The following INPP5D variants were observed in gnomAD, a reference collection of about 807,000 sequenced individuals.
The protein encoded by INPP5D is inositol polyphosphate-5-phosphatase D.
Under a neutral mutation model 122.9 loss-of-function variants are expected in INPP5D, and 33 were observed. The ratio of observed to expected loss-of-function variants is 0.27; its 90% confidence interval spans 0.20 to 0.36. The LOEUF (loss-of-function observed/expected upper bound fraction) is 0.36. Ranked by LOEUF, INPP5D falls within the 10% of genes least tolerant of loss-of-function variation. INPP5D has a pLI of 1.00. For synonymous variants in INPP5D, 584 were observed against 576.2 expected, an observed-to-expected ratio of 1.01 and a Z score of -0.19; for missense variants, 1,053 against 1,412.7, an observed-to-expected ratio of 0.75 and a Z score of 4.08.
chr2:233,143,501 C>T (rs1041723060), intron 6 of INPP5D, among the ~76,000 whole-genome samples: 1 of 152,198 alleles, frequency 6.6e-6, no homozygotes, highest in African/African-American at 2.4e-5. Context: ...CAAGGGAATC[C>T]TGAACTATCC....
chr2:233,165,344 ATG>A (rs925912644), intron 13 of INPP5D, among the ~76,000 whole-genome samples: 1 of 149,340 alleles, frequency 6.7e-6, no homozygotes, highest in Non-Finnish European at 1.5e-5. Context: ...ACCCATATCT[ATG>A]TGTGTGAGTG....
rs921511770 is a variant in INPP5D at position 233,195,457 on chromosome 2, C to T, written c.2655C>T (p.Thr885=). The change falls in exon 24 of 27, where the codon ACC becomes ACT. Residue 885 remains threonine (T), a synonymous_variant. Transcript: ENST00000445964. ...SSGPKTLKSL[T]SHDPMKQWEV... Reference sequence around the variant, plus strand: ...GGCCAAAGACCCTGAAGAGCCTCACCAGCCACGACCCCATGAAGCAGTGGG... The same window carrying T: ...GGCCAAAGACCCTGAAGAGCCTCACTAGCCACGACCCCATGAAGCAGTGGG... 19 of 1,613,790 alleles carry T rather than the reference C, an allele frequency of 1.2e-5. No individual in the cohort carries two copies. The highest frequency in any genetic ancestry group is 1.6e-5 in the Non-Finnish European group (19 of 1,179,852).
intron 5 of INPP5D, among the ~76,000 whole-genome samples, chr2:233,131,405 T>C (rs538170691): frequency 9.2e-5 from 14 of 151,848 alleles, no homozygotes; most frequent in Non-Finnish European, 1.9e-4. Context: ...CCATCACAAA[T>C]GAAAGGTCAG....
chr2:233,084,618 C>T (rs1035409140), intron 2 of INPP5D, among the ~76,000 whole-genome samples: 9 of 152,166 alleles, frequency 5.9e-5, no homozygotes, highest in East Asian at 1.9e-4. Context: ...GGGAGGTGAA[C>T]GGTTGAGCCA....
chr2:233,156,309 G>C (rs1388417561), intron 9 of INPP5D, among the ~76,000 whole-genome samples: 1 of 150,762 alleles, frequency 6.6e-6, no homozygotes. Flanking sequence ...TTTTTTATTT[G>C]AGATGGAGTC....
At chr2:233,125,382 A>G (rs546536979) in intron 3 of INPP5D, among the ~76,000 whole-genome samples, 2 of 152,312 alleles carry the variant, frequency 1.3e-5, no homozygotes, top group African/African-American at 4.8e-5. Context: ...GGGCTCAGCC[A>G]TCATGAGACA....
intron 1 of INPP5D, among the ~76,000 whole-genome samples, chr2:233,076,931 T>G (rs1300063849): frequency 2.0e-5 from 3 of 152,286 alleles, no homozygotes; most frequent in Non-Finnish European, 4.4e-5. Context: ...AGGCCACAAC[T>G]TCATTGGAAG....
Position 233,153,185 on chromosome 2 carries a change from A to G in INPP5D, c.1031-5128A>G, listed in dbSNP as rs375095605. 4.6e-5 allele frequency among the ~76,000 whole-genome samples: 7 copies of G among 152,342 alleles called. No individual in the cohort carries two copies. The East Asian group carries it at 1.4e-3, about 29-fold the overall frequency. On this transcript the variant is annotated intron_variant, in intron 9 of 26. Transcript: ENST00000445964. ...AATAATAACCCTGATCAAACAAGAT[A>G]TCACATCCTGGGGGCAACCGCACAG...
chr2:233,116,634 TCG>T (rs1179377142), intron 2 of INPP5D, among the ~76,000 whole-genome samples: 2 of 151,060 alleles, frequency 1.3e-5, no homozygotes, highest in African/African-American at 4.9e-5. Flanking sequence ...TCTCACTCTG[TCG>T]CCCAGGCTGG....
intron 3 of INPP5D, among the ~76,000 whole-genome samples, chr2:233,123,049 A>C (rs1693038634): frequency 6.6e-6 from 1 of 152,216 alleles, no homozygotes; most frequent in Admixed American, 6.5e-5. Context: ...CACTGAGAGG[A>C]GAGTGAAGGA....
intron 1 of INPP5D, among the ~76,000 whole-genome samples, chr2:233,071,400 A>T (rs2106201706): frequency 6.6e-6 from 1 of 152,230 alleles, no homozygotes; most frequent in East Asian, 1.9e-4. Flanking sequence ...CTCTTTTATC[A>T]TATTTTAAGT....
In INPP5D at chr2:233,183,190, C is replaced by T. The variant is rs928996090; in HGVS notation, c.2161+691C>T. Among the ~76,000 whole-genome samples the T allele has an allele frequency of 2.6e-5, 4 of 152,180 alleles. No homozygotes were observed. The highest frequency in any genetic ancestry group is 9.7e-5 in the African/African-American group (4 of 41,436). ...GTAATGTGCCCATCCAGCCCTTGGC[C>T]TAGGTGACCAGGGAGCCATGTTGTC... On this transcript the variant is annotated intron_variant, in intron 19 of 26. Coordinates refer to ENST00000445964, the MANE Select transcript of INPP5D (RefSeq NM_001017915.3). The surrounding 1 kb of genome is among the most constrained non-coding windows in gnomAD (Gnocchi z 4.6).
chr2:233,166,524 C>G (rs1694344178), intron 13 of INPP5D, among the ~76,000 whole-genome samples: 1 of 152,186 alleles, frequency 6.6e-6, no homozygotes, highest in Admixed American at 6.5e-5. Context: ...GGAGAAAGGC[C>G]TGGCCAGAGT....
rs1695515480 is a variant in INPP5D at position 233,206,707 on chromosome 2, G to A, written c.3569G>A (p.Ter1190=). 5.2e-6 allele frequency: 4 copies of A among 772,664 alleles called. No individual in the cohort carries two copies. The East Asian group carries it at 9.8e-5, about 19-fold the overall frequency. The allele number at this position is 772,664 out of a possible 1,614,324, so 47.9% of individuals were successfully genotyped here. Residue 1190 remains the stop codon, a splice_region_variant and stop_retained_variant, in exon 27 of 27, where the codon TGA becomes TAA. Coordinates refer to ENST00000445964, the MANE Select transcript of INPP5D (RefSeq NM_001017915.3). The surrounding 1 kb of genome is among the most constrained non-coding windows in gnomAD (Gnocchi z 4.0). ...PGPLGRTAMQ[*] ...AGCCCTTCTGTTCTTGTCCCACAGT[G>A]AAGCCCTCAGTGAGCTGCCACTGAG...
chr2:233,142,971 G>A (rs957396065), intron 6 of INPP5D, among the ~76,000 whole-genome samples: 88 of 151,982 alleles, frequency 5.8e-4, no homozygotes, highest in Non-Finnish European at 1.1e-3. Context: ...AACTGGAAAN[G>A]TCTCAGACAT....
intron 2 of INPP5D, among the ~76,000 whole-genome samples, chr2:233,081,183 T>C (rs1026054808): frequency 2.4e-4 from 37 of 152,218 alleles, no homozygotes; most frequent in African/African-American, 8.7e-4. Context: ...GCCATGGGAA[T>C]GTCTGTCTCT....
intron 2 of INPP5D, among the ~76,000 whole-genome samples, chr2:233,097,288 A>G (rs1692172120): frequency 6.6e-6 from 1 of 152,130 alleles, no homozygotes; most frequent in Non-Finnish European, 1.5e-5. Context: ...GTTCCCATTT[A>G]TTATTCTCAT....
In INPP5D at chr2:233,105,524, T is replaced by C. The variant is rs1232544756; in HGVS notation, c.199-16583T>C. 1.3e-5 allele frequency among the ~76,000 whole-genome samples: 2 copies of C among 152,168 alleles called. No homozygotes were observed. Among genetic ancestry groups the C allele is most frequent in the African/African-American group, 4.8e-5 (2 of 41,430 alleles). ...ACCTGGTCATATTTTCTTAGTTGTT[T>C]ATGGTTCTGTGTCTTGCTCCTTTGC... On this transcript the variant is annotated intron_variant, in intron 2 of 26. Coordinates refer to ENST00000445964, the MANE Select transcript of INPP5D (RefSeq NM_001017915.3). The surrounding 1 kb of genome is among the most constrained non-coding windows in gnomAD (Gnocchi z 4.0).
At chr2:233,157,511 T>C (rs1694086108) in intron 9 of INPP5D, among the ~76,000 whole-genome samples, 1 of 152,226 alleles carries the variant, frequency 6.6e-6, no homozygotes, top group South Asian at 2.1e-4. Context: ...TCAGGGCTGG[T>C]CTGTCAATAG....
Sources: allele counts gnomAD v4.1 joint callset (sites outside exome capture counted in the v4.1 genomes callset), GRCh38; gene constraint gnomAD v4.1.1; non-coding constraint Gnocchi (gnomAD v3.1); transcripts MANE v1.5; gene names NCBI Gene and HGNC (gene_info 2026-07-23, HGNC 2026-07-21).